The following ANKS1B variants were observed in gnomAD, a reference collection of about 807,000 sequenced individuals.
The protein encoded by ANKS1B is ankyrin repeat and sterile alpha motif domain-containing protein 1B.
ANKS1B carries 36 observed loss-of-function variants against 148.3 expected under a neutral mutation model. The observed-to-expected ratio is 0.24, with a 90% confidence interval of 0.19 to 0.32. The LOEUF (loss-of-function observed/expected upper bound fraction) is 0.32. Ranked by LOEUF, ANKS1B falls within the 10% of genes least tolerant of loss-of-function variation. The probability of loss-of-function intolerance (pLI) is 1.00; values close to 1 mark genes in which losing one functional copy is unlikely to be tolerated. For synonymous variants in ANKS1B, 542 were observed against 560.8 expected, an observed-to-expected ratio of 0.97 and a Z score of 0.47; for missense variants, 1,157 against 1,542.6, an observed-to-expected ratio of 0.75 and a Z score of 4.19.
chr12:99,780,025 A>G, intron 5 of ANKS1B, 53 bp from the exon 6 acceptor site: 7 of 1,191,078 alleles, frequency 5.9e-6, no homozygotes, highest in Non-Finnish European at 7.4e-6. Flanking sequence ...TATCCTCAAA[A>G]GATACTATCA....
At chr12:99,723,866 G>A (rs986444663) in intron 8 of ANKS1B, among the ~76,000 whole-genome samples, 8 of 152,088 alleles carry the variant, frequency 5.3e-5, no homozygotes, top group Non-Finnish European at 1.2e-4. Context: ...GATGAATAGT[G>A]CCTGAAGTGA....
chr12:99,007,387 C>G (rs2099936720), intron 17 of ANKS1B, among the ~76,000 whole-genome samples: 1 of 152,136 alleles, frequency 6.6e-6, no homozygotes, highest in Non-Finnish European at 1.5e-5. Flanking sequence ...ATAGCAGAAG[C>G]TTTTTTCCCC....
At chr12:98,942,774 C>T (rs955777150) in intron 17 of ANKS1B, among the ~76,000 whole-genome samples, 2 of 152,166 alleles carry the variant, frequency 1.3e-5, no homozygotes, top group Non-Finnish European at 2.9e-5. Flanking sequence ...GATAGCGACT[C>T]CTGTGAGAAT....
At chr12:99,546,193 A>C (rs979186399) in intron 9 of ANKS1B, among the ~76,000 whole-genome samples, 2 of 152,190 alleles carry the variant, frequency 1.3e-5, no homozygotes, top group African/African-American at 4.8e-5. Context: ...TGCCTGGAGA[A>C]GTGAAATCTA....
At position 99,454,072 on chromosome 12, in the gene ANKS1B, C is replaced by T. The variant is rs571602945; in HGVS notation, c.1439-10263G>A. 5.3e-5 allele frequency among the ~76,000 whole-genome samples: 8 copies of T among 152,292 alleles called. No individual in the cohort carries two copies. In the South Asian group the frequency reaches 1.0e-3, roughly 20 times the overall value. On this transcript the variant is annotated intron_variant, in intron 10 of 26. Coordinates refer to ENST00000683438, the MANE Select transcript of ANKS1B (RefSeq NM_001352186.2). Reference sequence around the variant, plus strand: ...ATATGCAACAGGGCAGAAGCATGAACGAGCATTATGCCTTTGGGAAGCTAT... The same window carrying T: ...ATATGCAACAGGGCAGAAGCATGAATGAGCATTATGCCTTTGGGAAGCTAT...
At chr12:99,258,647 T>C (rs1250713699) in intron 12 of ANKS1B, among the ~76,000 whole-genome samples, 1 of 149,962 alleles carries the variant, frequency 6.7e-6, no homozygotes, top group African/African-American at 2.5e-5. Flanking sequence ...TGTAAACTTA[T>C]GTGATGAGCT....
chr12:99,578,685 A>G (rs1318069817), intron 9 of ANKS1B, among the ~76,000 whole-genome samples: 1 of 152,160 alleles, frequency 6.6e-6, no homozygotes, highest in Non-Finnish European at 1.5e-5. Context: ...AACACTGCTG[A>G]AAGAAATGAG....
At chr12:99,710,466 G>A (rs896154399) in intron 8 of ANKS1B, among the ~76,000 whole-genome samples, 1 of 152,072 alleles carries the variant, frequency 6.6e-6, no homozygotes, top group Non-Finnish European at 1.5e-5. Flanking sequence ...GCGAATCCAG[G>A]CCAAGACTTC....
chr12:99,235,451 A>C (rs2087722915), intron 14 of ANKS1B, among the ~76,000 whole-genome samples: 1 of 152,196 alleles, frequency 6.6e-6, no homozygotes, highest in Non-Finnish European at 1.5e-5. Flanking sequence ...GAATGAGTAA[A>C]GTTGATAAGA....
At chr12:99,602,009 TTTTATGTCTGGC>T (rs1463211738) in intron 9 of ANKS1B, among the ~76,000 whole-genome samples, 1 of 151,928 alleles carries the variant, frequency 6.6e-6, no homozygotes, top group East Asian at 1.9e-4. Flanking sequence ...TATTTCTAGG[TTTTATGTCTGGC>T]TTTAGGGGAG....
At chr12:98,807,672 A>G (rs975323936) in intron 20 of ANKS1B, among the ~76,000 whole-genome samples, 172 bp downstream of exon 20, 4 of 152,228 alleles carry the variant, frequency 2.6e-5, no homozygotes, top group Non-Finnish European at 5.9e-5. Flanking sequence ...TTGCACATCA[A>G]CTAATCACAA....
rs912872453 is a variant in ANKS1B, at chr12:99,466,693, A to T, written c.1439-22884T>A. The stretch of plus-strand genomic sequence containing the variant: ...CAAATAAACTAGAAAATCTAGAAGA[A>T]ATGGATAAATTCCTTGACACATACA... On this transcript the variant is annotated intron_variant, in intron 10 of 26. Coordinates refer to ENST00000683438, the MANE Select transcript of ANKS1B (RefSeq NM_001352186.2). Among the ~76,000 whole-genome samples, 92 of 152,178 alleles carry T rather than the reference A, an allele frequency of 6.0e-4. 1 individual carries two copies. Among genetic ancestry groups the T allele is most frequent in the Non-Finnish European group, 1.1e-3 (77 of 68,040 alleles).
intron 1 of ANKS1B, among the ~76,000 whole-genome samples, chr12:99,943,283 A>G (rs1013644125): frequency 2.0e-5 from 3 of 152,194 alleles, no homozygotes; most frequent in African/African-American, 7.2e-5. Context: ...AAGTAAAACC[A>G]TCCTAATTAC....
intron 17 of ANKS1B, among the ~76,000 whole-genome samples, chr12:98,878,994 T>C (rs1030604187): frequency 1.3e-5 from 2 of 152,246 alleles, no homozygotes; most frequent in Non-Finnish European, 2.9e-5. Context: ...TATTGCATAC[T>C]GTCTGTGTGA....
At chr12:98,947,350 G>C (rs1388705714) in intron 17 of ANKS1B, among the ~76,000 whole-genome samples, 3 of 152,138 alleles carry the variant, frequency 2.0e-5, no homozygotes, top group African/African-American at 7.2e-5. Context: ...TGCAGCAGTG[G>C]TCCAGGGTTG....
At position 99,272,375 on chromosome 12, in the gene ANKS1B, G is replaced by A. The variant is rs939361650; in HGVS notation, c.1757-25511C>T. ...TAAAATCCAAGCAAAAGACAATTCTGGGAAAATGATGAAGTAGGAAGCACC... is the reference window on the plus strand; with the variant it reads ...TAAAATCCAAGCAAAAGACAATTCTAGGAAAATGATGAAGTAGGAAGCACC... On this transcript the variant is annotated intron_variant, in intron 12 of 26. Transcript: ENST00000683438. Among the ~76,000 whole-genome samples, 6 of 152,086 alleles carry A rather than the reference G, an allele frequency of 3.9e-5. No homozygotes were observed. The East Asian group carries it at 5.8e-4, about 15-fold the overall frequency.
intron 9 of ANKS1B, among the ~76,000 whole-genome samples, chr12:99,569,574 T>C (rs79467272): frequency 0.056 from 8,472 of 152,302 alleles, 320 homozygotes; most frequent in East Asian, 0.21. Flanking sequence ...GATGCTCTGT[T>C]GTGCTGCCCA....
rs760523824 is a variant in ANKS1B, at chr12:99,925,708, GGTAA to G, written c.134+58392_134+58395del. Among the ~76,000 whole-genome samples, 21 of 152,184 alleles carry G rather than the reference GGTAA, an allele frequency of 1.4e-4. No homozygotes were observed. In the East Asian group the frequency reaches 3.5e-3, roughly 25 times the overall value. ...AGGCTGATCAGCCCATTGAAAAAAAGGTAAGTGATTCCAAACAAACTAGTTTTAC... is the reference window on the plus strand; with the variant it reads ...AGGCTGATCAGCCCATTGAAAAAAAGGTGATTCCAAACAAACTAGTTTTAC... On this transcript the variant is annotated intron_variant, in intron 1 of 26. Coordinates refer to ENST00000683438, the MANE Select transcript of ANKS1B (RefSeq NM_001352186.2).
At chr12:99,632,756 T>A (rs1282083872) in intron 9 of ANKS1B, among the ~76,000 whole-genome samples, 1 of 90,836 alleles carries the variant, frequency 1.1e-5, no homozygotes, top group African/African-American at 3.8e-5. Context: ...TATATATATA[T>A]ATATATATAT....
Sources: allele counts gnomAD v4.1 joint callset (sites outside exome capture counted in the v4.1 genomes callset), GRCh38; gene constraint gnomAD v4.1.1; transcripts MANE v1.5; gene names NCBI Gene and HGNC (gene_info 2026-07-23, HGNC 2026-07-21).